Variants in NAB2 observed in about 807,000 individuals in gnomAD.
The protein encoded by NAB2 is NGFI-A binding protein 2.
In NAB2, 9 loss-of-function variants were observed where a neutral mutation model predicts 44.2. The observed-to-expected ratio is 0.20, with a 90% confidence interval of 0.12 to 0.36. The LOEUF is 0.36. Ranked by LOEUF, NAB2 falls within the 10% of genes least tolerant of loss-of-function variation. The pLI is 1.00. For synonymous variants in NAB2, 342 were observed against 291.0 expected, an observed-to-expected ratio of 1.18 and a Z score of -1.78; for missense variants, 514 against 709.0, an observed-to-expected ratio of 0.73 and a Z score of 3.12.
chr12:57,092,575 G>C lies in NAB2; in HGVS notation c.1085G>C (p.Gly362Ala). 3 of 1,614,082 alleles carry C rather than the reference G, an allele frequency of 1.9e-6. No homozygotes were observed. Among genetic ancestry groups the C allele is most frequent in the Non-Finnish European group, 2.5e-6 (3 of 1,180,000 alleles). The change falls in exon 3 of 7, where the codon GGC (glycine) becomes GCC (alanine). Residue 362 changes from glycine (G) to alanine (A), a missense_variant. By Grantham distance (60) the Gly-to-Ala change is moderately conservative. Coordinates refer to ENST00000300131, the MANE Select transcript of NAB2 (RefSeq NM_005967.4). ...RESTYLSSLK[G>A]SRLHPEELGG... ...AGCACCTACTTGTCCTCCTTGAAGG[G>C]CTCCAGGTGAGACCCCTTCCCCAGG... is the stretch of plus-strand genomic sequence containing the variant.
At chr12:57,089,399 C>T (rs189964932) in intron 1 of NAB2, 45 bp downstream of exon 1, 61 of 1,325,342 alleles carry the variant, frequency 4.6e-5, no homozygotes, top group Non-Finnish European at 6.0e-5. Flanking sequence ...ATGGGTGGAG[C>T]TGGACTTGGG....
intron 3 of NAB2, 90 bp from the exon 4 acceptor site, chr12:57,092,827 A>C: frequency 3.3e-6 from 5 of 1,523,356 alleles, no homozygotes; most frequent in Non-Finnish European, 4.5e-6. Context: ...AAAGGTTTTA[A>C]ATAACACATG....
At position 57,092,968 on chromosome 12, in the gene NAB2, G is replaced by A. The variant is rs774634331; in HGVS notation, c.1143G>A (p.Glu381=). 14 of 1,614,038 alleles carry A rather than the reference G, an allele frequency of 8.7e-6. No homozygotes were observed. In the Admixed American group the frequency reaches 2.2e-4, roughly 25 times the overall value. The change falls in exon 4 of 7, where the codon GAG becomes GAA. Residue 381 remains glutamate (E), a splice_region_variant and synonymous_variant. Coordinates refer to ENST00000300131, the MANE Select transcript of NAB2 (RefSeq NM_005967.4). ...GGPPLKKLKQ[E]VGEQSHPEIQ... is the part of the protein sequence containing the mutation. ...CTCCACTGAAGAAGCTGAAACAAGAGGTATGTTTTCCGGGGTGCATATAGG... is the reference window on the plus strand; with the variant it reads ...CTCCACTGAAGAAGCTGAAACAAGAAGTATGTTTTCCGGGGTGCATATAGG...
At chr12:57,094,463 A>G in intron 6 of NAB2, 149 bp from the exon 7 acceptor site, 1 of 692,482 alleles carries the variant, frequency 1.4e-6, no homozygotes, top group Middle Eastern at 2.3e-4. Context: ...GGAACCCCCC[A>G]TACACATGCA....
intron 4 of NAB2, 42 bp from the exon 5 acceptor site, chr12:57,093,021 T>C (rs2033226197): frequency 6.2e-7 from 1 of 1,614,008 alleles, no homozygotes; most frequent in East Asian, 2.2e-5. Flanking sequence ...CCCAATCCCC[T>C]CCCTTGGCAG....
intron 5 of NAB2, 99 bp from the exon 6 acceptor site, chr12:57,093,308 C>T: frequency 1.4e-6 from 2 of 1,437,072 alleles, no homozygotes; most frequent in Non-Finnish European, 9.1e-7. Context: ...GGAGACCTGG[C>T]TGGAGGGGGG....
chr12:57,093,243 A>C, intron 5 of NAB2, 48 bp downstream of exon 5: 6 of 501,492 alleles, frequency 1.2e-5, no homozygotes, highest in East Asian at 5.5e-5. Context: ...GTGGGGGAGT[A>C]GGGGAGGGGG....
chr12:57,094,856 T>C lies in NAB2; in HGVS notation c.*135T>C. ...TTCTCCTGCCTCCCCACCTGCTCCA[T>C]GGGCATAAGACTGTGGGGCTTCAAG... On this transcript the variant is annotated 3_prime_UTR_variant, in exon 7 of 7. Coordinates refer to ENST00000300131, the MANE Select transcript of NAB2 (RefSeq NM_005967.4). The C allele has an allele frequency of 2.9e-6, 2 of 690,914 alleles. No individual in the cohort carries two copies. Among genetic ancestry groups the C allele is most frequent in the Non-Finnish European group, 4.9e-6 (2 of 411,498 alleles). 42.8% of individuals were successfully genotyped at this position (690,914 alleles called of 1,614,324 possible).
rs375419038 is a variant in NAB2, at chr12:57,093,225, C to T, written c.1276+30C>T. 8.8e-6 allele frequency: 10 copies of T among 1,132,526 alleles called. No homozygotes were observed. The African/African-American group carries it at 1.2e-4, about 14-fold the overall frequency. 70.2% of individuals were successfully genotyped at this position (1,132,526 alleles called of 1,614,324 possible). A position where few individuals can be genotyped will look rare whatever the true frequency, so the allele number is the denominator to read the frequency against. ...GTGTGCCTCAGAACACTTTTCTCTT[C>T]ATTGAGGGTGGGGGAGTAGGGGAGG... On this transcript the variant is annotated intron_variant, in intron 5 of 6. Coordinates refer to ENST00000300131, the MANE Select transcript of NAB2 (RefSeq NM_005967.4).
chr12:57,093,293 G>T, intron 5 of NAB2, 98 bp downstream of exon 5: 1 of 1,483,656 alleles, frequency 6.7e-7, no homozygotes, highest in South Asian at 1.4e-5. Context: ...CCTGAAACAG[G>T]GTTGGGAGAC....
chr12:57,094,125 A>C, intron 6 of NAB2, among the ~76,000 whole-genome samples: 2 of 132,072 alleles, frequency 1.5e-5, no homozygotes, highest in Non-Finnish European at 3.2e-5. Flanking sequence ...GTGGGTGGGA[A>C]GTGGGGGCGG....
chr12:57,094,827 G>A lies in NAB2; in HGVS notation c.*106G>A. On this transcript the variant is annotated 3_prime_UTR_variant, in exon 7 of 7. Transcript: ENST00000300131. Reference sequence around the variant, plus strand: ...AGTCACAACCCTGGATCCTTCCTCTGCCCTTCTCCTGCCTCCCCACCTGCT... The same window carrying A: ...AGTCACAACCCTGGATCCTTCCTCTACCCTTCTCCTGCCTCCCCACCTGCT... The A allele has an allele frequency of 1.1e-6, 1 of 918,472 alleles. No individual in the cohort carries two copies. The highest frequency in any genetic ancestry group is 1.6e-6 in the Non-Finnish European group (1 of 613,550). The allele number at this position is 918,472 out of a possible 1,614,324, so 56.9% of individuals were successfully genotyped here. A position where few individuals can be genotyped will look rare whatever the true frequency, so the allele number is the denominator to read the frequency against.
At position 57,094,925 on chromosome 12, in the gene NAB2, G is replaced by A. The variant is rs1253512756; in HGVS notation, c.*204G>A. 1.4e-5 allele frequency: 8 copies of A among 584,654 alleles called. No individual in the cohort carries two copies. The highest frequency in any genetic ancestry group is 4.1e-5 in the South Asian group (2 of 48,904). The allele number at this position is 584,654 out of a possible 1,614,324, so 36.2% of individuals were successfully genotyped here. A position where few individuals can be genotyped will look rare whatever the true frequency, so the allele number is the denominator to read the frequency against. On this transcript the variant is annotated 3_prime_UTR_variant, in exon 7 of 7. Transcript: ENST00000300131. ...TGGAGAGAGGACACAAGGAGGGTGCGTGGTGCCCTCACCCCTGCCCAGAGC... is the reference window on the plus strand; with the variant it reads ...TGGAGAGAGGACACAAGGAGGGTGCATGGTGCCCTCACCCCTGCCCAGAGC...
chr12:57,089,848 C>T (rs1311402474), intron 1 of NAB2, among the ~76,000 whole-genome samples: 1 of 152,140 alleles, frequency 6.6e-6, no homozygotes, highest in Non-Finnish European at 1.5e-5. Flanking sequence ...ATTCACAGAG[C>T]GGGGAGGGGA....
chr12:57,092,988 T>C lies in NAB2; in HGVS notation c.1143+20T>C, dbSNP rs761338598. The C allele has an allele frequency of 1.2e-5, 19 of 1,613,902 alleles. No homozygotes were observed. The highest frequency in any genetic ancestry group is 2.2e-5 in the South Asian group (2 of 91,088). On this transcript the variant is annotated intron_variant, in intron 4 of 6. Coordinates refer to ENST00000300131, the MANE Select transcript of NAB2 (RefSeq NM_005967.4). ...CAAGAGGTATGTTTTCCGGGGTGCA[T>C]ATAGGGGCACTGGGCAGCCTTCCCC...
Position 57,091,728 on chromosome 12 carries a change from G to A in NAB2, c.687G>A (p.Gly229=), listed in dbSNP as rs778416742. The change falls in exon 2 of 7, where the codon GGG becomes GGA. Residue 229 remains glycine, a synonymous_variant. Transcript: ENST00000300131. This position sits in a 1 kb window ranked among gnomAD's most constrained non-coding sequence, Gnocchi z 7.3. ...GGGCTGGGGGGCTGGCAGCAGGTGG[G>A]ACTGGGGGTGGTCCAGACCGACTGG... is the stretch of plus-strand genomic sequence containing the variant. ...GTGAGGLAAG[G]TGGGPDRLEP... The A allele has an allele frequency of 1.1e-5, 18 of 1,614,056 alleles. No homozygotes were observed. The African/African-American group carries it at 2.3e-4, about 20-fold the overall frequency.
chr12:57,093,297 G>T, intron 5 of NAB2, 102 bp downstream of exon 5: 2 of 1,477,376 alleles, frequency 1.4e-6, no homozygotes, highest in East Asian at 2.4e-5. Context: ...AAACAGGGTT[G>T]GGAGACCTGG....
chr12:57,094,064 T>G, intron 6 of NAB2, among the ~76,000 whole-genome samples: 2 of 146,752 alleles, frequency 1.4e-5, no homozygotes, highest in African/African-American at 2.6e-5. Context: ...GGGCTGAGAG[T>G]GACGCAGCAG....
At position 57,089,261 on chromosome 12, in the gene NAB2, T is replaced by C. The variant is rs2136540343; in HGVS notation, c.-11T>C. 1 of 1,566,650 alleles carries C rather than the reference T, an allele frequency of 6.4e-7. No homozygotes were observed. The highest frequency in any genetic ancestry group is 8.6e-7 in the Non-Finnish European group (1 of 1,156,514). On this transcript the variant is annotated 5_prime_UTR_variant, in exon 1 of 7. Transcript: ENST00000300131. ...ACCGAGAAGGGCAGCCCGGGTGATC[T>C]CCGGCCGTCCATGCACAGAGCGCCT...
Sources: gnomAD v4.1 joint callset for allele counts (sites outside exome capture counted in the v4.1 genomes callset) on GRCh38, gnomAD v4.1.1 for gene constraint, Gnocchi (gnomAD v3.1) non-coding constraint, MANE v1.5 for transcripts, NCBI Gene and HGNC (gene_info 2026-07-23, HGNC 2026-07-21) for gene names.